The following MAML3 variants were observed in gnomAD, a reference collection of about 807,000 sequenced individuals.
MAML3 encodes mastermind like transcriptional coactivator 3, also known as mastermind-like protein 3.
Under a neutral mutation model 101.9 loss-of-function variants are expected in MAML3, and 27 were observed. The observed-to-expected ratio is 0.27, with a 90% CI of 0.20 to 0.37. MAML3 has a LOEUF of 0.37. Among genes scored for constraint, MAML3 ranks in the 10% least tolerant of loss-of-function variants. The pLI is 1.00. For missense variants in MAML3, 1,316 were observed against 1,444.9 expected (o/e 0.91, Z 1.45); for synonymous variants, 501 against 555.9 (o/e 0.90, Z 1.39).
At chr4:139,938,800 G>C (rs1460758355) in intron 1 of MAML3, among the ~76,000 whole-genome samples, 2 of 152,186 alleles carry the variant, frequency 1.3e-5, no homozygotes, top group Non-Finnish European at 2.9e-5. Flanking sequence ...AAAATAACGA[G>C]ACTAATTTTT....
chr4:139,993,592 G>C (rs1176912711), intron 1 of MAML3, among the ~76,000 whole-genome samples: 1 of 151,890 alleles, frequency 6.6e-6, no homozygotes, highest in Admixed American at 6.6e-5. Context: ...TTGGGAGGCC[G>C]AGGAGGGTGG....
intron 1 of MAML3, among the ~76,000 whole-genome samples, chr4:139,989,079 C>A (rs1003748032): frequency 9.9e-5 from 15 of 152,070 alleles, no homozygotes; most frequent in Admixed American, 9.8e-4. Flanking sequence ...GCAGAACTGC[C>A]CCTTCTCGAC....
chr4:139,766,766 G>T (rs904428627), intron 2 of MAML3, among the ~76,000 whole-genome samples: 4 of 152,220 alleles, frequency 2.6e-5, no homozygotes, highest in African/African-American at 7.2e-5. Context: ...GAAGGTAAAG[G>T]TTCTGGCATC....
intron 2 of MAML3, among the ~76,000 whole-genome samples, chr4:139,786,702 C>G (rs1268926695): frequency 6.6e-6 from 1 of 152,134 alleles, no homozygotes; most frequent in Non-Finnish European, 1.5e-5. Context: ...CTGCCGTCAC[C>G]GGGCAGGCTG....
chr4:139,843,342 C>A (rs762112634), intron 2 of MAML3, among the ~76,000 whole-genome samples: 4 of 152,186 alleles, frequency 2.6e-5, no homozygotes, highest in African/African-American at 7.2e-5. Context: ...TGTCTACTCT[C>A]GGGTCCATGT....
chr4:139,899,285 T>C (rs1434502710), intron 1 of MAML3, among the ~76,000 whole-genome samples: 1 of 152,192 alleles, frequency 6.6e-6, no homozygotes, highest in African/African-American at 2.4e-5. Context: ...GGGGCTCTCA[T>C]AAACAGAACT....
intron 1 of MAML3, among the ~76,000 whole-genome samples, chr4:140,110,579 A>C (rs1282912919): frequency 2.6e-5 from 4 of 152,246 alleles, no homozygotes; most frequent in African/African-American, 9.6e-5. Context: ...ACCAGCAAAC[A>C]CTTTCTGTGG....
intron 1 of MAML3, among the ~76,000 whole-genome samples, chr4:140,088,176 C>G (rs112660262): frequency 6.6e-6 from 1 of 151,928 alleles, no homozygotes; most frequent in Non-Finnish European, 1.5e-5. Flanking sequence ...TACGATCTCA[C>G]CACTGCACTC....
intron 1 of MAML3, among the ~76,000 whole-genome samples, chr4:140,078,303 T>C (rs1300089644): frequency 6.6e-6 from 1 of 152,202 alleles, no homozygotes; most frequent in African/African-American, 2.4e-5. Context: ...TTTATCAAGC[T>C]ACTAAACAGG....
chr4:139,769,682 C>T (rs1168963778), intron 2 of MAML3, among the ~76,000 whole-genome samples: 1 of 151,412 alleles, frequency 6.6e-6, no homozygotes, highest in Non-Finnish European at 1.5e-5. Context: ...GTGGTGTGAT[C>T]TTGGCTCACC....
At chr4:140,069,566 G>A (rs1189383067) in intron 1 of MAML3, among the ~76,000 whole-genome samples, 1 of 111,302 alleles carries the variant, frequency 9.0e-6, no homozygotes, top group Non-Finnish European at 1.8e-5. Flanking sequence ...AGGGGAGGAG[G>A]AGGAGGGGAG....
chr4:139,938,296 G>A (rs966267273), intron 1 of MAML3, among the ~76,000 whole-genome samples: 9 of 152,102 alleles, frequency 5.9e-5, no homozygotes, highest in African/African-American at 2.2e-4. Context: ...CCTACAAGTC[G>A]GGGAGACCCT....
At chr4:139,905,369 G>T (rs59784208) in intron 1 of MAML3, among the ~76,000 whole-genome samples, 40,667 of 151,582 alleles carry the variant, frequency 0.27, 6,762 homozygotes, top group East Asian at 0.57. Context: ...GTGGGCATCT[G>T]TAGTCCCAGC....
chr4:140,108,680 T>G (rs978506412), intron 1 of MAML3, among the ~76,000 whole-genome samples: 11 of 151,426 alleles, frequency 7.3e-5, no homozygotes, highest in Non-Finnish European at 1.5e-4. Context: ...AATCCATGTG[T>G]GGTGGATTAA....
At chr4:140,111,755 C>G (rs970499097) in intron 1 of MAML3, among the ~76,000 whole-genome samples, 40 of 152,190 alleles carry the variant, frequency 2.6e-4, no homozygotes, top group African/African-American at 7.7e-4. Context: ...AGGAATATTT[C>G]TCCTATACCA....
chr4:139,967,333 G>A (rs1207333257), intron 1 of MAML3, among the ~76,000 whole-genome samples: 3 of 152,064 alleles, frequency 2.0e-5, no homozygotes, highest in African/African-American at 7.2e-5. Context: ...GTAGCATGTG[G>A]GAAACAGGGG....
At chr4:139,960,338 CA>C (rs1733989009) in intron 1 of MAML3, among the ~76,000 whole-genome samples, 1 of 152,212 alleles carries the variant, frequency 6.6e-6, no homozygotes, top group African/African-American at 2.4e-5. Flanking sequence ...TTGGCTTCAG[CA>C]TTGCATTTGC....
At chr4:139,761,384 T>TG (rs142253967) in intron 2 of MAML3, among the ~76,000 whole-genome samples, 4,769 of 151,866 alleles carry the variant, frequency 0.031, 110 homozygotes, top group Non-Finnish European at 0.046. Context: ...AAAGAGAGTC[T>TG]GGAGGGGGCG....
intron 1 of MAML3, among the ~76,000 whole-genome samples, chr4:140,073,054 C>T (rs1436145058): frequency 6.6e-6 from 1 of 151,988 alleles, no homozygotes; most frequent in African/African-American, 2.4e-5. Context: ...GATGGCTGGT[C>T]ATGAGCACTA....
Sources: allele counts gnomAD v4.1 joint callset (sites outside exome capture counted in the v4.1 genomes callset), GRCh38; gene constraint gnomAD v4.1.1; transcripts MANE v1.5; gene names NCBI Gene and HGNC (gene_info 2026-07-23, HGNC 2026-07-21).